The following ENTREP1 variants were observed in gnomAD, a reference collection of about 807,000 sequenced individuals.
ENTREP1 encodes Friedreich ataxia region gene X123.
the ENTREP1 span, among the ~76,000 whole-genome samples, chr9:69,365,291 A>G: frequency 1.3e-5 from 2 of 152,072 alleles, no homozygotes; most frequent in African/African-American, 4.8e-5. Flanking sequence ...TCTAATTTCT[A>G]TCAGTATAGA....
At chr9:69,350,692 C>G in the ENTREP1 span, among the ~76,000 whole-genome samples, 1 of 152,010 alleles carries the variant, frequency 6.6e-6, no homozygotes, top group East Asian at 1.9e-4. Context: ...GGTTTGAATA[C>G]CTTGATGTAT....
the ENTREP1 span, among the ~76,000 whole-genome samples, chr9:69,341,055 G>A: frequency 6.6e-6 from 1 of 152,132 alleles, no homozygotes; most frequent in Non-Finnish European, 1.5e-5. Context: ...TTTCTTTGGT[G>A]GTACAGGCAT....
chr9:69,331,947 C>T, the ENTREP1 span, among the ~76,000 whole-genome samples: 1 of 152,216 alleles, frequency 6.6e-6, no homozygotes, highest in African/African-American at 2.4e-5. Flanking sequence ...ACTGCTGCCA[C>T]CAAGGGAGGT....
At chr9:69,333,707 T>A in the ENTREP1 span, among the ~76,000 whole-genome samples, 2 of 152,198 alleles carry the variant, frequency 1.3e-5, no homozygotes, top group Non-Finnish European at 2.9e-5. Context: ...TAACTAATAA[T>A]TCAAATCATA....
chr9:69,366,381 T>TG, the ENTREP1 span, among the ~76,000 whole-genome samples: 2 of 100,240 alleles, frequency 2.0e-5, no homozygotes, highest in South Asian at 4.8e-4. Context: ...TAATTCCAAC[T>TG]GGGGTTTTTT....
At chr9:69,359,100 T>G in the ENTREP1 span, among the ~76,000 whole-genome samples, 1 of 151,970 alleles carries the variant, frequency 6.6e-6, no homozygotes, top group African/African-American at 2.4e-5. Flanking sequence ...GAGACGGGGT[T>G]TCACCATGTT....
the ENTREP1 span, chr9:69,324,957 G>C: frequency 1.0e-6 from 1 of 985,134 alleles, no homozygotes; most frequent in South Asian, 4.7e-5. Flanking sequence ...ATTTGGGGCA[G>C]GGCACCCTCC....
chr9:69,332,783 CT>C, the ENTREP1 span, among the ~76,000 whole-genome samples: 1 of 152,170 alleles, frequency 6.6e-6, no homozygotes, highest in Non-Finnish European at 1.5e-5. Context: ...TACCTTTCAA[CT>C]TAGAAACTTC....
the ENTREP1 span, among the ~76,000 whole-genome samples, chr9:69,360,531 A>G: frequency 1.3e-5 from 2 of 152,014 alleles, no homozygotes; most frequent in Non-Finnish European, 2.9e-5. Flanking sequence ...GTCCTTCTTC[A>G]TTTGCTTCAT....
At chr9:69,339,613 G>A in the ENTREP1 span, among the ~76,000 whole-genome samples, 1 of 152,166 alleles carries the variant, frequency 6.6e-6, no homozygotes, top group African/African-American at 2.4e-5. Flanking sequence ...GCCATTGCAT[G>A]CTTTTTAGTG....
At chr9:69,388,385 T>A in the ENTREP1 span, 4 of 1,614,068 alleles carry the variant, frequency 2.5e-6, no homozygotes, top group Non-Finnish European at 3.4e-6. Context: ...AAACATTAAA[T>A]CTGTTTTGAA....
chr9:69,384,466 C>T, the ENTREP1 span, among the ~76,000 whole-genome samples: 3 of 152,122 alleles, frequency 2.0e-5, no homozygotes, highest in Non-Finnish European at 4.4e-5. Flanking sequence ...TTTTCTTCCT[C>T]CTATTAATTA....
chr9:69,345,630 TCTCA>T, the ENTREP1 span, among the ~76,000 whole-genome samples: 1 of 152,252 alleles, frequency 6.6e-6, no homozygotes, highest in South Asian at 2.1e-4. Context: ...TGAGACGGAG[TCTCA>T]CTCTGTCACC....
At chr9:69,351,560 A>T in the ENTREP1 span, among the ~76,000 whole-genome samples, 1 of 152,122 alleles carries the variant, frequency 6.6e-6, no homozygotes, top group South Asian at 2.1e-4. Flanking sequence ...GGGACTACAG[A>T]CATGCACCAA....
the ENTREP1 span, chr9:69,377,308 T>C: frequency 1.0e-6 from 1 of 966,968 alleles, no homozygotes; most frequent in Non-Finnish European, 1.7e-6. Context: ...AAAGATTTTC[T>C]ACATTGTATT....
At chr9:69,375,650 A>G in the ENTREP1 span, 5 of 1,077,912 alleles carry the variant, frequency 4.6e-6, no homozygotes, top group South Asian at 5.8e-5. Flanking sequence ...CCATCATCTC[A>G]TTCTACAGGA....
At chr9:69,361,108 A>G in the ENTREP1 span, among the ~76,000 whole-genome samples, 2 of 152,164 alleles carry the variant, frequency 1.3e-5, no homozygotes, top group East Asian at 1.9e-4. Context: ...AGGAATCAGG[A>G]GTTCTAAGTG....
the ENTREP1 span, among the ~76,000 whole-genome samples, chr9:69,354,005 C>T: frequency 6.6e-6 from 1 of 152,074 alleles, no homozygotes; most frequent in African/African-American, 2.4e-5. Flanking sequence ...CCCTATTTCC[C>T]TTCTCTTTTG....
chr9:69,354,333 G>A, the ENTREP1 span, among the ~76,000 whole-genome samples: 3 of 136,884 alleles, frequency 2.2e-5, no homozygotes, highest in African/African-American at 8.3e-5. Flanking sequence ...CTTGGCTCAC[G>A]GCAACCTCTG....
Sources: gnomAD v4.1 joint callset for allele counts (sites outside exome capture counted in the v4.1 genomes callset) on GRCh38, gnomAD v4.1.1 for gene constraint, MANE v1.5 for transcripts, NCBI Gene and HGNC (gene_info 2026-07-23, HGNC 2026-07-21) for gene names.